APBA1: variants seen among roughly 807,000 people sequenced by gnomAD.
APBA1 encodes amyloid-beta A4 precursor protein-binding family A member 1.
APBA1 carries 55 observed loss-of-function variants against 86.6 expected under a neutral mutation model. The ratio of observed to expected loss-of-function variants is 0.64; its 90% CI spans 0.51 to 0.80. The LOEUF is 0.80. Among genes scored for constraint, APBA1 ranks in the 30% least tolerant of loss-of-function variants. The pLI, the probability that APBA1 is intolerant of heterozygous loss-of-function variation, is 0.00. For missense variants in APBA1, 1,090 were observed against 1,183.0 expected (o/e 0.92, Z 1.15); for synonymous variants, 511 against 493.9 (o/e 1.03, Z -0.46).
chr9:69,462,247 C>T (rs181475437), intron 5 of APBA1: 4 of 152,214 alleles, frequency 2.6e-5, no homozygotes, highest in Admixed American at 2.0e-4. Context: ...CAGCAGGCCA[C>T]CCTATCTTCT....
chr9:69,640,911 G>A (rs1360751333), intron 1 of APBA1, among the ~76,000 whole-genome samples: 6 of 150,042 alleles, frequency 4.0e-5, no homozygotes, highest in Non-Finnish European at 8.9e-5. Context: ...GGAAAGAGGA[G>A]AGGGGAGAGG....
At chr9:69,568,824 TAAGAG>T (rs1030892201) in intron 1 of APBA1, among the ~76,000 whole-genome samples, 1 of 152,102 alleles carries the variant, frequency 6.6e-6, no homozygotes, top group African/African-American at 2.4e-5. Flanking sequence ...TTGCAAAGAA[TAAGAG>T]AAATGATGTG....
chr9:69,458,086 A>T (rs1405965905), intron 6 of APBA1, 70 bp downstream of exon 6: 3 of 1,442,148 alleles, frequency 2.1e-6, no homozygotes, highest in Non-Finnish European at 2.8e-6. Flanking sequence ...CGAAAATATA[A>T]AAAGGTAAAA....
intron 11 of APBA1, among the ~76,000 whole-genome samples, chr9:69,439,465 CTTTGT>C (rs2133790784): frequency 6.6e-6 from 1 of 152,276 alleles, no homozygotes. Flanking sequence ...TTCTTGGAGG[CTTTGT>C]TCCTATCTAT....
intron 10 of APBA1, among the ~76,000 whole-genome samples, chr9:69,447,730 C>T (rs1302378683): frequency 1.3e-5 from 2 of 152,128 alleles, no homozygotes; most frequent in African/African-American, 2.4e-5. Flanking sequence ...ACAATGGGTA[C>T]AAAATAGTAC....
chr9:69,567,367 T>C (rs1837044087), intron 1 of APBA1, among the ~76,000 whole-genome samples: 1 of 152,198 alleles, frequency 6.6e-6, no homozygotes, highest in African/African-American at 2.4e-5. Flanking sequence ...CACAGAGTCA[T>C]TCATGTAACT....
chr9:69,442,584 A>G (rs888386933), intron 10 of APBA1, among the ~76,000 whole-genome samples: 2 of 152,234 alleles, frequency 1.3e-5, no homozygotes, highest in Non-Finnish European at 1.5e-5. Context: ...AGTATCGCTC[A>G]GAGACAGCAC....
intron 1 of APBA1, among the ~76,000 whole-genome samples, chr9:69,611,504 A>G (rs1251782050): frequency 2.0e-5 from 3 of 152,154 alleles, no homozygotes; most frequent in Non-Finnish European, 4.4e-5. Flanking sequence ...TGAAACTGAA[A>G]AAAGGGGGTG....
At chr9:69,511,979 C>G (rs1231941082) in intron 2 of APBA1, among the ~76,000 whole-genome samples, 1 of 151,382 alleles carries the variant, frequency 6.6e-6, no homozygotes, top group African/African-American at 2.4e-5. Flanking sequence ...TGCTAGATGA[C>G]GAGTTAGTGG....
chr9:69,644,489 T>G (rs1004774654), intron 1 of APBA1, among the ~76,000 whole-genome samples: 3 of 152,206 alleles, frequency 2.0e-5, no homozygotes, highest in Admixed American at 1.3e-4. Context: ...AATTCCTCTT[T>G]AGCCCATTCA....
chr9:69,571,863 G>A (rs942453656), intron 1 of APBA1, among the ~76,000 whole-genome samples: 1 of 152,134 alleles, frequency 6.6e-6, no homozygotes, highest in Admixed American at 6.6e-5. Flanking sequence ...ACTGCTTTAT[G>A]TGGAAAACGA....
At chr9:69,653,945 T>C (rs1029066700) in intron 1 of APBA1, among the ~76,000 whole-genome samples, 1 of 151,780 alleles carries the variant, frequency 6.6e-6, no homozygotes, top group Admixed American at 6.6e-5. Flanking sequence ...CTGTCTCTAG[T>C]AAAAGCCAGG....
intron 1 of APBA1, among the ~76,000 whole-genome samples, chr9:69,653,845 C>T (rs889794636): frequency 2.6e-5 from 4 of 152,132 alleles, no homozygotes; most frequent in African/African-American, 9.7e-5. Flanking sequence ...TGGTGGCTCA[C>T]ACCTGTAATC....
intron 2 of APBA1, among the ~76,000 whole-genome samples, chr9:69,504,879 A>G (rs1835931010): frequency 6.6e-6 from 1 of 151,972 alleles, no homozygotes; most frequent in African/African-American, 2.4e-5. Context: ...AGCTTCATGC[A>G]TTGGAGAAGG....
intron 11 of APBA1, 66 bp downstream of exon 11, chr9:69,440,930 C>A: frequency 3.2e-6 from 5 of 1,575,336 alleles, no homozygotes; most frequent in South Asian, 2.4e-5. Flanking sequence ...GGCTCCACCC[C>A]CCCAGCCATG....
At chr9:69,652,845 A>C (rs1823533497) in intron 1 of APBA1, among the ~76,000 whole-genome samples, 1 of 152,016 alleles carries the variant, frequency 6.6e-6, no homozygotes, top group Admixed American at 6.6e-5. Flanking sequence ...AATACAAAAA[A>C]TTAGCTGGGT....
intron 3 of APBA1, among the ~76,000 whole-genome samples, chr9:69,472,922 T>C (rs934585499): frequency 1.3e-5 from 2 of 152,128 alleles, no homozygotes; most frequent in African/African-American, 4.8e-5. Flanking sequence ...TTGTGAAAAA[T>C]TGGGGCAGTT....
At chr9:69,654,124 A>C in intron 1 of APBA1, among the ~76,000 whole-genome samples, 1 of 151,872 alleles carries the variant, frequency 6.6e-6, no homozygotes, top group Non-Finnish European at 1.5e-5. Context: ...AAAAAAAAAA[A>C]AAAAAAAAAG....
Position 69,468,438 on chromosome 9 carries a change from T to G in APBA1, c.1337-470A>C, listed in dbSNP as rs536815041. On this transcript the variant is annotated intron_variant, in intron 4 of 12. Transcript: ENST00000265381. ...AATTCCTATTACTTGCCCCCCCCCA[T>G]TCATATCTCTTCCTCCATTTAATCC... is the stretch of plus-strand genomic sequence containing the variant. Among the ~76,000 whole-genome samples, 6 of 151,826 alleles carry G rather than the reference T, an allele frequency of 4.0e-5. No individual in the cohort carries two copies. The South Asian group carries it at 1.3e-3, about 32-fold the overall frequency.
Sources: allele counts gnomAD v4.1 joint callset (sites outside exome capture counted in the v4.1 genomes callset), GRCh38; gene constraint gnomAD v4.1.1; transcripts MANE v1.5; gene names NCBI Gene and HGNC (gene_info 2026-07-23, HGNC 2026-07-21).